UGGT2: variants seen among roughly 807,000 people sequenced by gnomAD.
UGGT2 encodes UDP-glucose:glycoprotein glucosyltransferase 2.
UGGT2 carries 180 observed loss-of-function variants against 192.1 expected under a neutral mutation model. The ratio of observed to expected loss-of-function variants is 0.94; its 90% CI spans 0.83 to 1.06. The LOEUF is 1.06. UGGT2 is among the 50% of genes least tolerant of loss of function. UGGT2 has a pLI of 0.00. For synonymous variants in UGGT2, 580 were observed against 591.0 expected, an observed-to-expected ratio of 0.98 and a Z score of 0.27; for missense variants, 1,849 against 1,795.7, an observed-to-expected ratio of 1.03 and a Z score of -0.54.
At chr13:95,931,428 C>T (rs2049261910) in intron 17 of UGGT2, among the ~76,000 whole-genome samples, 2 of 152,180 alleles carry the variant, frequency 1.3e-5, no homozygotes, top group African/African-American at 4.8e-5. Context: ...ACTCCCGCAC[C>T]TTGCACCGGC....
intron 23 of UGGT2, 76 bp downstream of exon 23, chr13:95,895,104 C>T (rs2047909286): frequency 7.1e-7 from 1 of 1,412,056 alleles, no homozygotes; most frequent in Non-Finnish European, 9.5e-7. Context: ...ATATTTGAAA[C>T]ATTTTCTAAT....
At chr13:96,027,718 C>G (rs958151903) in intron 2 of UGGT2, among the ~76,000 whole-genome samples, 2 of 152,254 alleles carry the variant, frequency 1.3e-5, no homozygotes, top group African/African-American at 4.8e-5. Flanking sequence ...GACAATTTGA[C>G]AAGAAACTCA....
chr13:95,838,524 C>A (rs553858241), intron 36 of UGGT2, among the ~76,000 whole-genome samples: 76 of 152,198 alleles, frequency 5.0e-4, no homozygotes, highest in Admixed American at 2.7e-3. Context: ...AGAGGGCTGA[C>A]ACTACCACAC....
intron 21 of UGGT2, among the ~76,000 whole-genome samples, chr13:95,902,027 A>C (rs149932156): frequency 3.5e-3 from 530 of 152,246 alleles, no homozygotes; most frequent in Non-Finnish European, 6.4e-3. Flanking sequence ...GCTCCCTCTC[A>C]GTCATATTCA....
chr13:95,834,802 CCCA>C (rs1887109996), intron 37 of UGGT2, among the ~76,000 whole-genome samples: 1 of 152,124 alleles, frequency 6.6e-6, no homozygotes, highest in Non-Finnish European at 1.5e-5. Flanking sequence ...GTGACCAACT[CCCA>C]CCAAGGGGCC....
At chr13:95,960,952 G>C (rs1467132074) in intron 12 of UGGT2, among the ~76,000 whole-genome samples, 1 of 152,098 alleles carries the variant, frequency 6.6e-6, no homozygotes, top group Non-Finnish European at 1.5e-5. Context: ...CTTCATAAAT[G>C]AAGGAAAAAT....
chr13:95,937,124 A>T (rs2049492047), intron 16 of UGGT2, 36 bp from the exon 17 acceptor site: 1 of 1,553,416 alleles, frequency 6.4e-7, no homozygotes, highest in Non-Finnish European at 8.6e-7. Context: ...GTTAAACAAA[A>T]TATGATTGTT....
chr13:95,909,313 T>C (rs1198673675), intron 20 of UGGT2, among the ~76,000 whole-genome samples: 1 of 151,942 alleles, frequency 6.6e-6, no homozygotes, highest in African/African-American at 2.4e-5. Flanking sequence ...GTATGTTTAT[T>C]GCGGCATTAT....
chr13:95,869,062 T>A (rs769943386), intron 29 of UGGT2, among the ~76,000 whole-genome samples: 18 of 127,050 alleles, frequency 1.4e-4, no homozygotes, highest in Non-Finnish European at 2.4e-4. Context: ...CAGGCCCCAG[T>A]GTGTGATGTT....
At chr13:95,846,848 G>A (rs956541169) in intron 36 of UGGT2, among the ~76,000 whole-genome samples, 3 of 152,110 alleles carry the variant, frequency 2.0e-5, no homozygotes, top group Non-Finnish European at 4.4e-5. Flanking sequence ...CCAGAAAGTT[G>A]ATTCTAATAG....
chr13:95,956,442 T>C (rs989159926), intron 12 of UGGT2, among the ~76,000 whole-genome samples: 1 of 152,180 alleles, frequency 6.6e-6, no homozygotes, highest in Admixed American at 6.5e-5. Flanking sequence ...ATCCAGAATA[T>C]ATAAAGGACT....
At chr13:96,033,943 T>C (rs2052918474) in intron 1 of UGGT2, among the ~76,000 whole-genome samples, 1 of 152,064 alleles carries the variant, frequency 6.6e-6, no homozygotes, top group Non-Finnish European at 1.5e-5. Context: ...GGGTCCCCGG[T>C]GAAGCCCCAC....
intron 37 of UGGT2, among the ~76,000 whole-genome samples, chr13:95,836,786 C>G (rs1887331183): frequency 6.6e-6 from 1 of 152,092 alleles, no homozygotes; most frequent in Admixed American, 6.6e-5. Context: ...CTCTTTGCCC[C>G]ATGTGCCTTT....
chr13:95,936,444 G>A (rs1465392741), intron 17 of UGGT2, among the ~76,000 whole-genome samples: 1 of 152,206 alleles, frequency 6.6e-6, no homozygotes, highest in East Asian at 1.9e-4. Context: ...GATCTGTGGT[G>A]TGCACAGTGG....
intron 20 of UGGT2, among the ~76,000 whole-genome samples, chr13:95,905,843 G>C (rs1451291497): frequency 2.0e-5 from 3 of 151,932 alleles, no homozygotes; most frequent in African/African-American, 4.8e-5. Context: ...TTATTGTTTT[G>C]CCTTTTATGT....
intron 24 of UGGT2, among the ~76,000 whole-genome samples, chr13:95,894,142 T>A: frequency 6.6e-6 from 1 of 152,200 alleles, no homozygotes; most frequent in Non-Finnish European, 1.5e-5. Context: ...CTTCACTCCT[T>A]TGAACTCTCG....
Position 95,972,798 on chromosome 13 carries a change from C to T in UGGT2, c.1093-127G>A, listed in dbSNP as rs2050816887. On this transcript the variant is annotated intron_variant, in intron 10 of 38. Transcript: ENST00000376747. The stretch of plus-strand genomic sequence containing the variant: ...TTAGGTTTGGCAGGCCATACAGTCT[C>T]TGTTGCAATTATTGATCTCTGCCTT... 6.1e-5 allele frequency: 39 copies of T among 636,372 alleles called. 1 individual carries two copies. The South Asian group carries it at 8.1e-4, about 13-fold the overall frequency. 39.4% of individuals were successfully genotyped at this position (636,372 alleles called of 1,614,324 possible).
At chr13:96,038,566 G>C (rs1040968424) in intron 1 of UGGT2, among the ~76,000 whole-genome samples, 2 of 152,136 alleles carry the variant, frequency 1.3e-5, no homozygotes, top group Non-Finnish European at 2.9e-5. Flanking sequence ...CTGGGCTTCT[G>C]CTGAGATGGT....
intron 4 of UGGT2, among the ~76,000 whole-genome samples, chr13:96,019,322 C>T (rs2052445398): frequency 6.6e-6 from 1 of 152,070 alleles, no homozygotes; most frequent in African/African-American, 2.4e-5. Flanking sequence ...GCCCACATTC[C>T]ACAGGGAGAA....
Sources: allele counts gnomAD v4.1 joint callset (sites outside exome capture counted in the v4.1 genomes callset), GRCh38; gene constraint gnomAD v4.1.1; transcripts MANE v1.5; gene names NCBI Gene and HGNC (gene_info 2026-07-23, HGNC 2026-07-21).